CCBE1: variants seen among roughly 807,000 people sequenced by gnomAD.
CCBE1 encodes the protein collagen and calcium-binding EGF domain-containing protein 1.
Under a neutral mutation model 50.0 loss-of-function variants are expected in CCBE1, and 37 were observed. The ratio of observed to expected loss-of-function variants is 0.74; its 90% confidence interval spans 0.57 to 0.97. CCBE1 has a LOEUF of 0.97. CCBE1 is among the 50% of genes least tolerant of loss of function. CCBE1 has a pLI of 0.00. For synonymous variants in CCBE1, 234 were observed against 203.7 expected, an observed-to-expected ratio of 1.15 and a Z score of -1.27; for missense variants, 538 against 523.8, an observed-to-expected ratio of 1.03 and a Z score of -0.26.
chr18:59,461,175 G>C (rs1004934503), intron 5 of CCBE1, among the ~76,000 whole-genome samples: 2 of 151,994 alleles, frequency 1.3e-5, no homozygotes, highest in African/African-American at 4.8e-5. Context: ...AACCAACTTT[G>C]GTTCCGCATT....
At chr18:59,609,721 T>C (rs1017350089) in intron 2 of CCBE1, among the ~76,000 whole-genome samples, 4 of 152,238 alleles carry the variant, frequency 2.6e-5, no homozygotes, top group Non-Finnish European at 5.9e-5. Context: ...TTAGTCTATT[T>C]GAAAAGGCAT....
At chr18:59,495,568 C>T (rs962526235) in intron 2 of CCBE1, among the ~76,000 whole-genome samples, 1 of 152,072 alleles carries the variant, frequency 6.6e-6, no homozygotes, top group African/African-American at 2.4e-5. Flanking sequence ...GGACATCTCC[C>T]CAGCCATGTC....
At chr18:59,624,328 C>T (rs1319240398) in intron 2 of CCBE1, among the ~76,000 whole-genome samples, 1 of 152,166 alleles carries the variant, frequency 6.6e-6, no homozygotes, top group Non-Finnish European at 1.5e-5. Context: ...GACTCTGCTG[C>T]AAATGCAAGG....
At position 59,435,786 on chromosome 18, in the gene CCBE1, A is replaced by G; in HGVS notation, c.*122T>C. On this transcript the variant is annotated 3_prime_UTR_variant, in exon 11 of 11. Transcript: ENST00000439986. ...GGAAGAAGAGGAGTGGAGAGACGTCAGGAGAAGAGAAGAGAAAAATGTATG... is the reference window on the plus strand; with the variant it reads ...GGAAGAAGAGGAGTGGAGAGACGTCGGGAGAAGAGAAGAGAAAAATGTATG... The G allele has an allele frequency of 1.1e-6, 1 of 890,690 alleles. No homozygotes were observed. Among genetic ancestry groups the G allele is most frequent in the South Asian group, 1.3e-5 (1 of 75,286 alleles). 55.2% of individuals were successfully genotyped at this position (890,690 alleles called of 1,614,324 possible).
At chr18:59,488,673 C>T (rs1448548839) in intron 2 of CCBE1, among the ~76,000 whole-genome samples, 2 of 152,120 alleles carry the variant, frequency 1.3e-5, no homozygotes, top group Non-Finnish European at 2.9e-5. Context: ...TGCTGCTTGC[C>T]GGCTTCAGTC....
intron 7 of CCBE1, among the ~76,000 whole-genome samples, chr18:59,442,208 G>A (rs1490933289): frequency 3.3e-5 from 5 of 151,972 alleles, no homozygotes; most frequent in Non-Finnish European, 7.4e-5. Flanking sequence ...TGTTAAACTC[G>A]GTATAGTCTC....
intron 2 of CCBE1, among the ~76,000 whole-genome samples, chr18:59,656,594 T>C (rs1357649796): frequency 6.6e-6 from 1 of 152,192 alleles, no homozygotes. Flanking sequence ...TTAGTTTCAG[T>C]TCCTGATGGC....
chr18:59,566,845 T>G (rs1342701491), intron 2 of CCBE1, among the ~76,000 whole-genome samples: 1 of 152,002 alleles, frequency 6.6e-6, no homozygotes, highest in Non-Finnish European at 1.5e-5. Flanking sequence ...TCCTGGAATG[T>G]TTAGCTACCA....
intron 3 of CCBE1, among the ~76,000 whole-genome samples, chr18:59,475,375 G>A (rs1225700231): frequency 1.3e-5 from 2 of 152,120 alleles, no homozygotes; most frequent in Non-Finnish European, 2.9e-5. Flanking sequence ...TAAATGGTTC[G>A]CTCCTGTATT....
At chr18:59,515,122 G>A (rs1057027025) in intron 2 of CCBE1, among the ~76,000 whole-genome samples, 6 of 152,224 alleles carry the variant, frequency 3.9e-5, no homozygotes, top group African/African-American at 1.4e-4. Context: ...GCAACAACAA[G>A]AAGGGTAGGA....
intron 2 of CCBE1, among the ~76,000 whole-genome samples, chr18:59,498,715 T>C (rs751654663): frequency 2.6e-5 from 4 of 152,182 alleles, no homozygotes; most frequent in Non-Finnish European, 5.9e-5. Flanking sequence ...CTTGTTGCTT[T>C]CTGTCTGGCT....
In CCBE1 at chr18:59,454,873, G is replaced by A. The variant is rs1440722176; in HGVS notation, c.632C>T (p.Thr211Ile). 1 of 1,614,044 alleles carries A rather than the reference G, an allele frequency of 6.2e-7. No homozygotes were observed. The highest frequency in any genetic ancestry group is 1.3e-5 in the African/African-American group (1 of 74,950). Residue 211 changes from threonine (T) to isoleucine (I), a missense_variant, in exon 6 of 11, where the codon ACC (threonine) becomes ATC (isoleucine). Physicochemically the swap from Thr to Ile is moderately conservative, Grantham distance 89. Transcript: ENST00000439986. Reference protein sequence around the residue: ...TCKEFYQMKQTVLQLKQKIAL... With the variant: ...TCKEFYQMKQIVLQLKQKIAL... ...TACCTTTTGCTTCAGCTGCAGCACG[G>A]TCTGCTTCATCTGGTAGAACTCCTT...
chr18:59,585,126 T>C (rs2053159360), intron 2 of CCBE1, among the ~76,000 whole-genome samples: 1 of 152,048 alleles, frequency 6.6e-6, no homozygotes, highest in South Asian at 2.1e-4. Flanking sequence ...GCCATGTTCC[T>C]TCCAGCCAAA....
chr18:59,646,983 G>T (rs1314246059), intron 2 of CCBE1, among the ~76,000 whole-genome samples: 1 of 152,164 alleles, frequency 6.6e-6, no homozygotes, highest in Non-Finnish European at 1.5e-5. Flanking sequence ...CATGCAACAG[G>T]CTCTGATCTT....
In CCBE1 at chr18:59,440,352, T is replaced by A. The variant is rs77603750; in HGVS notation, c.776-536A>T. ...ATAAAAATCTTCCTTATGGAGTAGTTGCATTACATGAGATTTCAGATATAT... is the reference window on the plus strand; with the variant it reads ...ATAAAAATCTTCCTTATGGAGTAGTAGCATTACATGAGATTTCAGATATAT... On this transcript the variant is annotated intron_variant, in intron 7 of 10. Transcript: ENST00000439986. Among the ~76,000 whole-genome samples, 1,685 of 152,350 alleles carry A rather than the reference T, an allele frequency of 0.011. 85 individuals carry two copies. In the East Asian group the frequency reaches 0.16, roughly 14 times the overall value.
At chr18:59,514,107 A>T (rs1914257694) in intron 2 of CCBE1, among the ~76,000 whole-genome samples, 1 of 152,152 alleles carries the variant, frequency 6.6e-6, no homozygotes, top group African/African-American at 2.4e-5. Context: ...CAAATTTGTA[A>T]AGTCAGTTCA....
intron 2 of CCBE1, among the ~76,000 whole-genome samples, chr18:59,512,531 G>A (rs77078152): frequency 0.014 from 2,153 of 152,350 alleles, 46 homozygotes; most frequent in African/African-American, 0.047. Context: ...ATCCATTAGA[G>A]GAACAGAATT....
At chr18:59,681,672 T>C (rs1007647805) in intron 2 of CCBE1, among the ~76,000 whole-genome samples, 53 of 152,354 alleles carry the variant, frequency 3.5e-4, no homozygotes, top group Admixed American at 1.6e-3. Flanking sequence ...AGCATGAGCT[T>C]GCAGCAGATA....
intron 2 of CCBE1, among the ~76,000 whole-genome samples, chr18:59,510,027 A>C (rs1359376864): frequency 1.3e-5 from 2 of 152,234 alleles, no homozygotes; most frequent in African/African-American, 2.4e-5. Flanking sequence ...ACCAAGCTGC[A>C]CTGGTGCTGG....
Sources: allele counts gnomAD v4.1 joint callset (sites outside exome capture counted in the v4.1 genomes callset), GRCh38; gene constraint gnomAD v4.1.1; transcripts MANE v1.5; gene names NCBI Gene and HGNC (gene_info 2026-07-23, HGNC 2026-07-21).